Variants in TMOD1 observed in about 807,000 individuals in gnomAD.
The protein encoded by TMOD1 is tropomodulin-1.
TMOD1 carries 17 observed loss-of-function variants against 40.6 expected under a neutral mutation model. The observed-to-expected ratio is 0.42, with a 90% confidence interval of 0.29 to 0.63. The LOEUF is 0.63. Ranked by LOEUF, TMOD1 falls within the 20% of genes least tolerant of loss-of-function variation. The pLI, the probability that TMOD1 is intolerant of heterozygous loss-of-function variation, is 0.22. For synonymous variants in TMOD1, 181 were observed against 175.0 expected (o/e 1.03, Z -0.27); for missense variants, 391 against 447.6 (o/e 0.87, Z 1.14).
intron 8 of TMOD1, 38 bp downstream of exon 8, chr9:97,569,075 A>C (rs925838614): frequency 6.2e-7 from 1 of 1,607,238 alleles, no homozygotes; most frequent in Non-Finnish European, 8.5e-7. Flanking sequence ...CTGTTACTAC[A>C]TGCAGCTCGC....
intron 8 of TMOD1, among the ~76,000 whole-genome samples, chr9:97,576,587 T>C (rs1300522522): frequency 6.6e-6 from 1 of 151,878 alleles, no homozygotes; most frequent in Non-Finnish European, 1.5e-5. Context: ...TTCTGTCATA[T>C]ACTTCATGCA....
intron 1 of TMOD1, among the ~76,000 whole-genome samples, chr9:97,511,081 C>CAG (rs1829688811): frequency 6.9e-5 from 7 of 101,264 alleles, no homozygotes; most frequent in Admixed American, 5.7e-4. Flanking sequence ...CACACACACA[C>CAG]ACAGACACAC....
At chr9:97,580,206 G>A (rs1371956094) in intron 8 of TMOD1, among the ~76,000 whole-genome samples, 1 of 152,180 alleles carries the variant, frequency 6.6e-6, no homozygotes, top group Non-Finnish European at 1.5e-5. Context: ...GGAGCCATTA[G>A]AGGTGGTTGT....
chr9:97,594,399 C>T (rs1457304425), intron 9 of TMOD1, among the ~76,000 whole-genome samples: 2 of 152,250 alleles, frequency 1.3e-5, no homozygotes, highest in Non-Finnish European at 2.9e-5. Context: ...GTGAAGCAGA[C>T]AGACTTCATG....
At chr9:97,553,182 G>T in intron 3 of TMOD1, 99 bp from the exon 4 acceptor site, 1 of 1,552,278 alleles carries the variant, frequency 6.4e-7, no homozygotes, top group East Asian at 2.3e-5. Context: ...AGCATGGAGG[G>T]ACCCACAGGG....
rs767659160 is a variant in TMOD1, at chr9:97,535,161, G to A, written c.120+10853G>A. ...GTCAGGGAAGTTGGTGAGCATCTCC[G>A]AGTATGCTGGGGAGTGATGTGGTCA... On this transcript the variant is annotated intron_variant, in intron 2 of 9. Coordinates refer to ENST00000259365, the MANE Select transcript of TMOD1 (RefSeq NM_003275.4). Among the ~76,000 whole-genome samples, 261 of 152,152 alleles carry A rather than the reference G, an allele frequency of 1.7e-3. 4 individuals are homozygous for A. Among genetic ancestry groups the A allele is most frequent in the Non-Finnish European group, 6.0e-4 (41 of 68,020 alleles).
chr9:97,562,780 C>G lies in TMOD1; in HGVS notation c.446C>G (p.Ala149Gly), dbSNP rs762866172. The stretch of plus-strand genomic sequence containing the variant: ...ATGAGTAACCAGCAGTACTACCAGG[C>G]CCTGAGCAGCAGCTCCATCATGAAC... The part of the protein sequence containing the change: ...TLMSNQQYYQ[A>G]LSSSSIMNKE... Residue 149 changes from alanine to glycine, a missense_variant, in exon 5 of 10, where the codon GCC becomes GGC. Ala to Gly is a moderately conservative substitution (Grantham distance 60, BLOSUM62 0). Transcript: ENST00000259365. 2 of 1,585,588 alleles carry G rather than the reference C, an allele frequency of 1.3e-6. No homozygotes were observed. Among genetic ancestry groups the G allele is most frequent in the South Asian group, 2.3e-5 (2 of 86,006 alleles).
intron 8 of TMOD1, among the ~76,000 whole-genome samples, chr9:97,589,566 A>G (rs1321181443): frequency 6.6e-6 from 1 of 151,984 alleles, no homozygotes; most frequent in Admixed American, 6.6e-5. Flanking sequence ...GGCGTGAGCC[A>G]CTGTGCCCGG....
chr9:97,561,200 A>G (rs1417036881), intron 4 of TMOD1, among the ~76,000 whole-genome samples: 1 of 152,216 alleles, frequency 6.6e-6, no homozygotes, highest in Non-Finnish European at 1.5e-5. Context: ...CTCAGGTCAG[A>G]CCATCTCACT....
At chr9:97,541,540 C>T (rs1411044576) in intron 2 of TMOD1, among the ~76,000 whole-genome samples, 1 of 149,658 alleles carries the variant, frequency 6.7e-6, no homozygotes, top group African/African-American at 2.5e-5. Flanking sequence ...TTTTTTGAGA[C>T]AGTCTCACTC....
chr9:97,553,441 A>T, intron 4 of TMOD1, 41 bp downstream of exon 4: 1 of 1,612,398 alleles, frequency 6.2e-7, no homozygotes, highest in Non-Finnish European at 8.5e-7. Flanking sequence ...CTCCAGAAGG[A>T]TTTGACCCAC....
chr9:97,581,550 G>A (rs953641634), intron 8 of TMOD1, among the ~76,000 whole-genome samples: 1 of 151,756 alleles, frequency 6.6e-6, no homozygotes, highest in African/African-American at 2.4e-5. Flanking sequence ...TCCAGTTCTA[G>A]ATCCCTGAGG....
At position 97,568,986 on chromosome 9, in the gene TMOD1, A is replaced by G. The variant is rs1430421961; in HGVS notation, c.819A>G (p.Val273=). ...CTGGAGCTGGGATTCTGCGCCTGGT[A>G]GAAGCCCTCCCATACAACACTTCTC... ...FISGAGILRL[V]EALPYNTSLV... Residue 273 remains valine (V), a synonymous_variant, in exon 8 of 10, where the codon GTA becomes GTG. Coordinates refer to ENST00000259365, the MANE Select transcript of TMOD1 (RefSeq NM_003275.4). 1 of 1,614,078 alleles carries G rather than the reference A, an allele frequency of 6.2e-7. No individual in the cohort carries two copies. Among genetic ancestry groups the G allele is most frequent in the African/African-American group, 1.3e-5 (1 of 74,928 alleles).
At chr9:97,536,817 G>A (rs1830192524) in intron 2 of TMOD1, among the ~76,000 whole-genome samples, 1 of 152,176 alleles carries the variant, frequency 6.6e-6, no homozygotes, top group African/African-American at 2.4e-5. Context: ...TCACAGAATA[G>A]GAACCTGGGA....
At chr9:97,522,855 A>G (rs1011920675) in intron 1 of TMOD1, among the ~76,000 whole-genome samples, 3 of 152,160 alleles carry the variant, frequency 2.0e-5, no homozygotes, top group African/African-American at 7.2e-5. Context: ...GAGCCACTGC[A>G]CCCAGCCTTA....
intron 9 of TMOD1, among the ~76,000 whole-genome samples, chr9:97,596,321 T>G (rs192142094): frequency 3.7e-4 from 57 of 152,244 alleles, no homozygotes; most frequent in African/African-American, 1.3e-3. Context: ...GCTTGCCTTG[T>G]CACCCCTCCA....
chr9:97,563,874 C>G (rs73656824), intron 5 of TMOD1, among the ~76,000 whole-genome samples, 164 bp from the exon 6 acceptor site: 1 of 152,174 alleles, frequency 6.6e-6, no homozygotes, highest in Non-Finnish European at 1.5e-5. Context: ...GGCTCCCTTG[C>G]GGGGCTTCTT....
chr9:97,518,692 C>T (rs1424069753), intron 1 of TMOD1, among the ~76,000 whole-genome samples: 1 of 152,124 alleles, frequency 6.6e-6, no homozygotes, highest in African/African-American at 2.4e-5. Flanking sequence ...TGAGAGGTGC[C>T]CCTTAAAGGG....
Position 97,592,892 on chromosome 9 carries a change from A to AT in TMOD1, c.1015+1463dup, listed in dbSNP as rs1826030379. Among the ~76,000 whole-genome samples the AT allele has an allele frequency of 7.9e-5, 12 of 152,328 alleles. 1 individual carries two copies. In the South Asian group the frequency reaches 2.5e-3, roughly 32 times the overall value. On this transcript the variant is annotated intron_variant, in intron 9 of 9. Transcript: ENST00000259365. ...TAGAGCCTCGGGTTTAGAAAAGCCC[A>AT]TTTTTTAAAATGTGTGCAGAGTCTT...
Sources: allele counts gnomAD v4.1 joint callset (sites outside exome capture counted in the v4.1 genomes callset), GRCh38; gene constraint gnomAD v4.1.1; transcripts MANE v1.5; gene names NCBI Gene and HGNC (gene_info 2026-07-23, HGNC 2026-07-21).